The following RBM45 variants were observed in gnomAD, a reference collection of about 807,000 sequenced individuals.
The protein encoded by RBM45 is RNA binding motif protein 45.
Under a neutral mutation model 58.5 loss-of-function variants are expected in RBM45, and 39 were observed. That is an observed-to-expected ratio of 0.67 (90% CI 0.52 to 0.87). The LOEUF (loss-of-function observed/expected upper bound fraction) is 0.87. Among genes scored for constraint, RBM45 ranks in the 40% least tolerant of loss-of-function variants. The probability of loss-of-function intolerance (pLI) is 0.00; values close to 1 mark genes in which losing one functional copy is unlikely to be tolerated. For missense variants in RBM45, 481 were observed against 581.6 expected (o/e 0.83, Z 1.78); for synonymous variants, 193 against 203.0 (o/e 0.95, Z 0.42).
At chr2:178,132,455 T>C (rs1467940001), downstream of RBM45, among the ~76,000 whole-genome samples, 2 of 152,170 alleles carry the variant, frequency 1.3e-5, no homozygotes, top group African/African-American at 4.8e-5. Context: ...CCATGGAAAG[T>C]AGAAATAAGG....
chr2:178,118,125 A>T lies in RBM45; in HGVS notation c.494A>T (p.Tyr165Phe). Residue 165 changes from tyrosine to phenylalanine, a missense_variant, in exon 3 of 10, where the codon TAC becomes TTC. Tyr to Phe is a conservative substitution (Grantham distance 22, BLOSUM62 3). Coordinates refer to ENST00000286070, the MANE Select transcript of RBM45 (RefSeq NM_152945.4). The part of the protein sequence containing the change: ...KVTGESKGLG[Y>F]VRYLKPSQAA... ...ACTGGAGAAAGTAAAGGTTTGGGCT[A>T]CGTACGATACTTAAAACCATCACAA... The T allele has an allele frequency of 6.2e-7, 1 of 1,612,998 alleles. No individual in the cohort carries two copies. Among genetic ancestry groups the T allele is most frequent in the Non-Finnish European group, 8.5e-7 (1 of 1,179,276 alleles).
At chr2:178,125,318 C>G (rs1281596421) in intron 8 of RBM45, among the ~76,000 whole-genome samples, 1 of 152,048 alleles carries the variant, frequency 6.6e-6, no homozygotes, top group Non-Finnish European at 1.5e-5. Flanking sequence ...AGGAAACAGA[C>G]AAGTAAACAG....
At chr2:178,128,477 A>G (rs538904875) in intron 9 of RBM45, among the ~76,000 whole-genome samples, 1 of 152,336 alleles carries the variant, frequency 6.6e-6, no homozygotes, top group Admixed American at 6.5e-5. Flanking sequence ...ATGATCAGAA[A>G]CTAAAAGTAT....
chr2:178,133,033 A>G (rs1302602408), downstream of RBM45, among the ~76,000 whole-genome samples: 1 of 152,198 alleles, frequency 6.6e-6, no homozygotes, highest in Non-Finnish European at 1.5e-5. Context: ...TCACTTTGGA[A>G]TATACTGGCC....
chr2:178,130,430 C>T (rs952061489), downstream of RBM45, among the ~76,000 whole-genome samples: 4 of 151,992 alleles, frequency 2.6e-5, no homozygotes, highest in Admixed American at 1.3e-4. Context: ...AAAGCTGAAG[C>T]GGAAGGATTG....
intron 1 of RBM45, among the ~76,000 whole-genome samples, chr2:178,116,002 A>C (rs2087769209): frequency 6.6e-6 from 1 of 152,032 alleles, no homozygotes. Flanking sequence ...ATATTAAAAA[A>C]TTAGCTGGGT....
At chr2:178,125,504 G>A (rs2087917073) in intron 8 of RBM45, among the ~76,000 whole-genome samples, 1 of 152,150 alleles carries the variant, frequency 6.6e-6, no homozygotes, top group Non-Finnish European at 1.5e-5. Context: ...GGTTATTTCT[G>A]CCATAGAGAA....
chr2:178,130,108 C>T (rs1344315411), downstream of RBM45, among the ~76,000 whole-genome samples: 2 of 152,050 alleles, frequency 1.3e-5, no homozygotes, highest in Non-Finnish European at 2.9e-5. Context: ...ATGTCAGTGG[C>T]TTTGGGGGGA....
In RBM45 at chr2:178,116,297, C is replaced by G. The variant is rs1482549904; in HGVS notation, c.336C>G (p.His112Gln). The G allele has an allele frequency of 6.2e-7, 1 of 1,612,078 alleles. No individual in the cohort carries two copies. Reference sequence around the variant, plus strand: ...CTCAGTCCCGATCATCTGGAAGTCACCGAGATGTTGAAGATGAAGAACTTA... The same window carrying G: ...CTCAGTCCCGATCATCTGGAAGTCAGCGAGATGTTGAAGATGAAGAACTTA... ...FIAQSRSSGS[H>Q]RDVEDEELTR... The change falls in exon 2 of 10, where the codon CAC becomes CAG. Residue 112 changes from histidine to glutamine, a missense_variant. Physicochemically the swap from His to Gln is conservative, Grantham distance 24. Coordinates refer to ENST00000286070, the MANE Select transcript of RBM45 (RefSeq NM_152945.4).
At chr2:178,134,330 C>T (rs1330116222), downstream of RBM45, among the ~76,000 whole-genome samples, 1 of 152,172 alleles carries the variant, frequency 6.6e-6, no homozygotes, top group Non-Finnish European at 1.5e-5. Flanking sequence ...GTACTGTTTT[C>T]TACAGAAACT....
downstream of RBM45, among the ~76,000 whole-genome samples, chr2:178,134,498 G>A (rs566168853): frequency 4.6e-4 from 69 of 151,576 alleles, no homozygotes; most frequent in African/African-American, 1.6e-3. Context: ...ATATTTTCTA[G>A]CATTAACAAG....
In RBM45 at chr2:178,126,006, G is replaced by A. The variant is rs1267987462; in HGVS notation, c.1255G>A (p.Val419Ile). 6.2e-7 allele frequency: 1 copy of A among 1,613,654 alleles called. No homozygotes were observed. The highest frequency in any genetic ancestry group is 8.5e-7 in the Non-Finnish European group (1 of 1,179,824). Residue 419 changes from valine (V) to isoleucine (I), a missense_variant, in exon 9 of 10, where the codon GTT becomes ATT. Transcript: ENST00000286070. Reference sequence around the variant, plus strand: ...CAGTCGTTTTGGTAACCTGATCGAAGTTTACCTTGTGTCAGGAAAAAATGT... The same window carrying A: ...CAGTCGTTTTGGTAACCTGATCGAAATTTACCTTGTGTCAGGAAAAAATGT... ...IFCRFGNLIE[V>I]YLVSGKNVGY...
At chr2:178,116,145 G>A in intron 1 of RBM45, 117 bp from the exon 2 acceptor site, 9 of 1,261,650 alleles carry the variant, frequency 7.1e-6, no homozygotes, top group South Asian at 1.7e-5. Flanking sequence ...TTTTCTTTGA[G>A]ACCCTGTCTC....
intron 9 of RBM45, among the ~76,000 whole-genome samples, chr2:178,129,093 T>A (rs770515421): frequency 1.3e-5 from 2 of 152,186 alleles, no homozygotes; most frequent in Non-Finnish European, 2.9e-5. Flanking sequence ...GTAGTTGAAT[T>A]CTATTTTGAG....
chr2:178,127,599 A>G (rs368061358), intron 9 of RBM45, among the ~76,000 whole-genome samples: 2 of 152,220 alleles, frequency 1.3e-5, no homozygotes, highest in African/African-American at 4.8e-5. Context: ...TTATTAAATG[A>G]CAAAACCACT....
chr2:178,138,773 T>G (rs1365740812), exon 4 of RBM45: 2 of 152,278 alleles, frequency 1.3e-5, no homozygotes, highest in Non-Finnish European at 2.9e-5. Flanking sequence ...AGTTTTATTA[T>G]ATGACTTATC....
intron 5 of RBM45, among the ~76,000 whole-genome samples, chr2:178,122,000 A>G (rs2087859266): frequency 6.6e-6 from 1 of 152,204 alleles, no homozygotes; most frequent in South Asian, 2.1e-4. Flanking sequence ...ATTGTGGCAT[A>G]ATGGGAAAGT....
At chr2:178,138,014 AGT>A (rs1410224339) in exon 4 of RBM45, 2 of 152,174 alleles carry the variant, frequency 1.3e-5, no homozygotes, top group East Asian at 3.8e-4. Flanking sequence ...GGAAAATAAG[AGT>A]GAGAAAAGAA....
intron 3 of RBM45, among the ~76,000 whole-genome samples, chr2:178,119,651 C>CT (rs1330963133): frequency 1.3e-5 from 2 of 152,052 alleles, no homozygotes; most frequent in African/African-American, 4.8e-5. Flanking sequence ...TGGTTTTATC[C>CT]TTTTTTTAAG....
Sources: gnomAD v4.1 joint callset for allele counts (sites outside exome capture counted in the v4.1 genomes callset) on GRCh38, gnomAD v4.1.1 for gene constraint, MANE v1.5 for transcripts, NCBI Gene and HGNC (gene_info 2026-07-23, HGNC 2026-07-21) for gene names.